KCTD2: variants seen among roughly 807,000 people sequenced by gnomAD.
The protein encoded by KCTD2 is potassium channel tetramerization domain containing 2, also known as BTB/POZ domain-containing protein KCTD2.
In KCTD2, 18 loss-of-function variants were observed where a neutral mutation model predicts 27.9. The observed-to-expected ratio is 0.64, with a 90% CI of 0.45 to 0.96. The LOEUF is 0.96. KCTD2 is among the 40% of genes least tolerant of loss of function. The pLI, the probability that KCTD2 is intolerant of heterozygous loss-of-function variation, is 0.00. For synonymous variants in KCTD2, 175 were observed against 148.4 expected (o/e 1.18, Z -1.30); for missense variants, 280 against 348.0 (o/e 0.80, Z 1.56).
rs1232448370 is a variant in KCTD2 at position 75,041,909 on chromosome 17, C to T, written c.-259+6552C>T. The T allele has an allele frequency of 1.3e-5, 4 of 305,684 alleles. No homozygotes were observed. In the Admixed American group the frequency reaches 1.5e-4, roughly 11 times the overall value. The allele number at this position is 305,684 out of a possible 1,614,324, so 18.9% of individuals were successfully genotyped here. ...GTTGCCTAAGAAGGGGTGAACCGGC[C>T]CAGGTCAGAAACAGAGCAGGTCAAA... On this transcript the variant is annotated intron_variant, in intron 3 of 7. Coordinates refer to the KCTD2 transcript ENST00000581589.
chr17:75,038,118 A>C (rs775540863), intron 3 of KCTD2, among the ~76,000 whole-genome samples: 1 of 152,072 alleles, frequency 6.6e-6, no homozygotes, highest in African/African-American at 2.4e-5. Flanking sequence ...ACTGTGCAAC[A>C]TAAGTTTCCC....
chr17:75,062,938 C>A, intron 5 of KCTD2, 80 bp from the exon 6 acceptor site: 2 of 1,458,150 alleles, frequency 1.4e-6, no homozygotes, highest in Non-Finnish European at 1.9e-6. Flanking sequence ...TGCCACTCAT[C>A]GGGTCCAGTG....
chr17:75,052,522 G>T (rs1405556375), intron 2 of KCTD2, among the ~76,000 whole-genome samples: 1 of 152,238 alleles, frequency 6.6e-6, no homozygotes. Flanking sequence ...AGGAGTTCAA[G>T]ACCAGCCTGA....
chr17:75,058,095 G>A lies in KCTD2; in HGVS notation c.541-1415G>A, dbSNP rs548981252. On this transcript the variant is annotated intron_variant, in intron 3 of 5. Coordinates refer to ENST00000322444, the MANE Select transcript of KCTD2 (RefSeq NM_015353.3). ...TCCCAGCACTTTGGGGGCCCAAGGC[G>A]GGCGGATCACCTGAGGTCAGGAGTT... 2.4e-3 allele frequency among the ~76,000 whole-genome samples: 367 copies of A among 150,622 alleles called. 1 individual carries two copies. The highest frequency in any genetic ancestry group is 4.1e-3 in the Non-Finnish European group (277 of 67,520).
At chr17:75,034,511 G>A (rs531379710) in intron 2 of KCTD2, among the ~76,000 whole-genome samples, 8 of 152,296 alleles carry the variant, frequency 5.3e-5, no homozygotes, top group South Asian at 2.1e-4. Flanking sequence ...GGCGCGGTAA[G>A]ACGCTAAACC....
intron 3 of KCTD2, chr17:75,038,974 T>G (rs1479951525): frequency 6.2e-7 from 1 of 1,614,174 alleles, no homozygotes. Flanking sequence ...AGGGATACTT[T>G]TTCTTGTCTA....
At chr17:75,039,369 A>G (rs1034270559) in intron 3 of KCTD2, 1 of 1,089,144 alleles carries the variant, frequency 9.2e-7, no homozygotes, top group South Asian at 1.3e-5. Context: ...CTGCTGTCCT[A>G]TTGCTCTATG....
chr17:75,063,200 A>C lies in KCTD2; in HGVS notation c.*153A>C. On this transcript the variant is annotated 3_prime_UTR_variant, in exon 6 of 6. Transcript: ENST00000322444. ...AAGTGTTCTGGTCAAAACTAAAGGA[A>C]CTCCCTCCCCACCTGCAGGACTCCG... is the stretch of plus-strand genomic sequence containing the variant. The C allele has an allele frequency of 2.8e-6, 2 of 714,856 alleles. No individual in the cohort carries two copies. Among genetic ancestry groups the C allele is most frequent in the Non-Finnish European group, 2.4e-6 (1 of 408,440 alleles). 44.3% of individuals were successfully genotyped at this position (714,856 alleles called of 1,614,324 possible).
At chr17:75,058,493 G>C (rs2073371999) in intron 3 of KCTD2, among the ~76,000 whole-genome samples, 1 of 151,060 alleles carries the variant, frequency 6.6e-6, no homozygotes, top group Non-Finnish European at 1.5e-5. Context: ...AACAGAGCGA[G>C]ACTCCATCTC....
rs551741681 is a variant in KCTD2 at position 75,064,722 on chromosome 17, A to G, written c.*1675A>G. On this transcript the variant is annotated 3_prime_UTR_variant, in exon 6 of 6. Transcript: ENST00000322444. ...AAGTGTTAGATGAACTGCCGTCCTC[A>G]GTAAAAGCAGCCACCCCTTCAAGAG... 1 of 152,332 alleles carries G rather than the reference A, an allele frequency of 6.6e-6. No individual in the cohort carries two copies. Among genetic ancestry groups the G allele is most frequent in the East Asian group, 1.9e-4 (1 of 5,180 alleles). The allele number at this position is 152,332 out of a possible 1,614,324, so 9.4% of individuals were successfully genotyped here. A position where few individuals can be genotyped will look rare whatever the true frequency, so the allele number is the denominator to read the frequency against.
chr17:75,050,874 T>C (rs1175579282), intron 2 of KCTD2, among the ~76,000 whole-genome samples: 1 of 151,540 alleles, frequency 6.6e-6, no homozygotes, highest in Non-Finnish European at 1.5e-5. Flanking sequence ...TCAGAGTCTA[T>C]CTTATCTTGC....
At chr17:75,046,256 G>A (rs2073214992), upstream of KCTD2, among the ~76,000 whole-genome samples, 1 of 152,052 alleles carries the variant, frequency 6.6e-6, no homozygotes, top group African/African-American at 2.4e-5. Flanking sequence ...CTAATTTTTT[G>A]TATTTTTAGT....
At chr17:75,050,653 C>G (rs1201913149) in intron 2 of KCTD2, among the ~76,000 whole-genome samples, 12 of 152,128 alleles carry the variant, frequency 7.9e-5, no homozygotes, top group African/African-American at 2.9e-4. Flanking sequence ...CTTTGTGATA[C>G]AAAAATTCAA....
intron 2 of KCTD2, among the ~76,000 whole-genome samples, chr17:75,051,859 A>G (rs930473342): frequency 3.3e-5 from 5 of 152,164 alleles, no homozygotes; most frequent in Non-Finnish European, 5.9e-5. Context: ...AATGGCCTTT[A>G]TAGCAAATTT....
chr17:75,061,197 C>T (rs1598129246), intron 4 of KCTD2, among the ~76,000 whole-genome samples: 1 of 152,218 alleles, frequency 6.6e-6, no homozygotes, highest in East Asian at 1.9e-4. Flanking sequence ...CAGGCGGAGG[C>T]GCCCCCAGCC....
At chr17:75,033,464 T>A (rs534320484) in intron 1 of KCTD2, among the ~76,000 whole-genome samples, 1 of 152,266 alleles carries the variant, frequency 6.6e-6, no homozygotes, top group East Asian at 1.9e-4. Context: ...CATTCCCTCA[T>A]GATAAGCAAG....
At chr17:75,037,638 A>C (rs2073117043) in intron 3 of KCTD2, among the ~76,000 whole-genome samples, 1 of 152,200 alleles carries the variant, frequency 6.6e-6, no homozygotes, top group African/African-American at 2.4e-5. Flanking sequence ...TTTTCTTTAA[A>C]TACTTGCATT....
intron 3 of KCTD2, among the ~76,000 whole-genome samples, chr17:75,057,616 A>G (rs1197880768): frequency 3.4e-5 from 5 of 146,590 alleles, no homozygotes; most frequent in African/African-American, 5.1e-5. Context: ...CTGGAGTGCA[A>G]TGGCGCGATC....
intron 3 of KCTD2, among the ~76,000 whole-genome samples, chr17:75,038,363 A>G (rs965308304): frequency 1.9e-4 from 29 of 152,248 alleles, no homozygotes; most frequent in African/African-American, 4.3e-4. Flanking sequence ...GGCTGGTCTC[A>G]AACTCCTGAC....
Sources: gnomAD v4.1 joint callset for allele counts (sites outside exome capture counted in the v4.1 genomes callset) on GRCh38, gnomAD v4.1.1 for gene constraint, MANE v1.5 for transcripts, NCBI Gene and HGNC (gene_info 2026-07-23, HGNC 2026-07-21) for gene names.